Variants in DTNBP1 observed in about 807,000 individuals in gnomAD.
DTNBP1 encodes the protein dystrobrevin binding protein 1.
DTNBP1 carries 35 observed loss-of-function variants against 42.8 expected under a neutral mutation model. That is an observed-to-expected ratio of 0.82 (90% CI 0.63 to 1.09). DTNBP1 has a LOEUF of 1.09. Ranked by LOEUF, DTNBP1 falls within the 50% of genes least tolerant of loss-of-function variation. DTNBP1 has a pLI of 0.00. For missense variants in DTNBP1, 457 were observed against 424.2 expected, an observed-to-expected ratio of 1.08 and a Z score of -0.68; for synonymous variants, 171 against 162.2, an observed-to-expected ratio of 1.05 and a Z score of -0.41.
rs916150064 is a variant in DTNBP1, at chr6:15,523,898, A to G, written c.811+628T>C. ...GTGGTAATGGTAGAACCTTCTACAG[A>G]TGGCTGAGGTGCTGCTGGGACGACT... is the stretch of plus-strand genomic sequence containing the variant. On this transcript the variant is annotated intron_variant, in intron 9 of 9. Transcript: ENST00000344537. 2.0e-5 allele frequency: 26 copies of G among 1,287,154 alleles called. 1 individual carries two copies. Among genetic ancestry groups the G allele is most frequent in the Admixed American group, 1.1e-4 (5 of 43,550 alleles). 79.7% of individuals were successfully genotyped at this position (1,287,154 alleles called of 1,614,324 possible). A position where few individuals can be genotyped will look rare whatever the true frequency, so the allele number is the denominator to read the frequency against.
chr6:15,541,077 C>T (rs962756445), intron 7 of DTNBP1, among the ~76,000 whole-genome samples: 2 of 152,126 alleles, frequency 1.3e-5, no homozygotes, highest in Admixed American at 1.3e-4. Flanking sequence ...TTTTGTATCT[C>T]GGGGCTAAGC....
intron 6 of DTNBP1, among the ~76,000 whole-genome samples, chr6:15,593,836 C>T (rs1471682210): frequency 6.6e-6 from 1 of 152,114 alleles, no homozygotes; most frequent in Non-Finnish European, 1.5e-5. Flanking sequence ...GGCTGGTTAT[C>T]CCAGTTAAAA....
intron 7 of DTNBP1, among the ~76,000 whole-genome samples, chr6:15,581,268 C>T (rs970101321): frequency 2.0e-5 from 3 of 152,148 alleles, no homozygotes; most frequent in Non-Finnish European, 2.9e-5. Flanking sequence ...CAACCTCTGC[C>T]ACCCAGGTTC....
At chr6:15,645,908 A>G (rs571649671) in intron 3 of DTNBP1, among the ~76,000 whole-genome samples, 1 of 152,222 alleles carries the variant, frequency 6.6e-6, no homozygotes, top group African/African-American at 2.4e-5. Flanking sequence ...CACCACTCCT[A>G]TTCAACATAA....
intron 2 of DTNBP1, 86 bp from the exon 3 acceptor site, chr6:15,651,449 G>C: frequency 6.6e-7 from 1 of 1,517,422 alleles, no homozygotes; most frequent in South Asian, 1.2e-5. Flanking sequence ...TTTTGACATT[G>C]TCAATTGTAA....
At chr6:15,619,492 A>C (rs1325505391) in intron 5 of DTNBP1, among the ~76,000 whole-genome samples, 1 of 152,202 alleles carries the variant, frequency 6.6e-6, no homozygotes, top group Non-Finnish European at 1.5e-5. Flanking sequence ...CAACTGAGGG[A>C]CAGTCTACAA....
At chr6:15,570,570 T>C (rs1350991612) in intron 7 of DTNBP1, among the ~76,000 whole-genome samples, 1 of 152,238 alleles carries the variant, frequency 6.6e-6, no homozygotes, top group Non-Finnish European at 1.5e-5. Flanking sequence ...GGTGAAACTT[T>C]TGTTATAAAA....
At chr6:15,533,484 G>T in intron 7 of DTNBP1, 89 bp from the exon 8 acceptor site, 1 of 1,602,058 alleles carries the variant, frequency 6.2e-7, no homozygotes, top group Admixed American at 1.7e-5. Context: ...CACCCTCCAA[G>T]TGGATGGAGT....
chr6:15,563,149 C>T (rs1420795061), intron 7 of DTNBP1, among the ~76,000 whole-genome samples: 1 of 152,216 alleles, frequency 6.6e-6, no homozygotes, highest in African/African-American at 2.4e-5. Context: ...TCCCTCCCAT[C>T]TTACCTCCTA....
At position 15,609,934 on chromosome 6, in the gene DTNBP1, T is replaced by C. The variant is rs538243450; in HGVS notation, c.488+5333A>G. Among the ~76,000 whole-genome samples, 5 of 152,348 alleles carry C rather than the reference T, an allele frequency of 3.3e-5. No homozygotes were observed. In the East Asian group the frequency reaches 9.6e-4, roughly 29 times the overall value. On this transcript the variant is annotated intron_variant, in intron 6 of 9. Coordinates refer to ENST00000344537, the MANE Select transcript of DTNBP1 (RefSeq NM_032122.5). The stretch of plus-strand genomic sequence containing the variant: ...GGTCAAGTGCAGTTTTGCAGATGAA[T>C]GCTCCATTCTTCCGCACAGGGGATG...
At chr6:15,659,430 G>A (rs1581446831) in intron 1 of DTNBP1, among the ~76,000 whole-genome samples, 2 of 152,196 alleles carry the variant, frequency 1.3e-5, no homozygotes. Flanking sequence ...AGCTGCTCTG[G>A]CTTCCACACA....
chr6:15,617,282 T>C (rs1039451282), intron 5 of DTNBP1, among the ~76,000 whole-genome samples: 1 of 152,008 alleles, frequency 6.6e-6, no homozygotes, highest in Non-Finnish European at 1.5e-5. Flanking sequence ...ATTGTGAAAA[T>C]GATCATGCTG....
At chr6:15,595,036 G>A (rs73371556) in intron 6 of DTNBP1, 43,566 of 442,338 alleles carry the variant, frequency 0.098, 2,493 homozygotes, top group Middle Eastern at 0.22. Context: ...CCCTGCAACC[G>A]TCTGTCTGCT....
intron 5 of DTNBP1, among the ~76,000 whole-genome samples, chr6:15,624,754 T>C (rs1345003410): frequency 6.6e-6 from 1 of 152,080 alleles, no homozygotes; most frequent in Admixed American, 6.5e-5. Context: ...CTTAACTATT[T>C]AAGCTTTGTA....
intron 7 of DTNBP1, among the ~76,000 whole-genome samples, chr6:15,573,874 T>G (rs9464801): frequency 0.16 from 23,571 of 151,994 alleles, 2,720 homozygotes; most frequent in African/African-American, 0.32. Flanking sequence ...GCCTGGCTAA[T>G]TGTTGTATTT....
intron 7 of DTNBP1, among the ~76,000 whole-genome samples, chr6:15,580,638 T>C (rs1029495697): frequency 6.6e-6 from 1 of 152,256 alleles, no homozygotes; most frequent in African/African-American, 2.4e-5. Flanking sequence ...TGTGTGTGTG[T>C]ATATAAACCT....
intron 5 of DTNBP1, among the ~76,000 whole-genome samples, chr6:15,621,413 A>T (rs1211037952): frequency 6.6e-6 from 1 of 152,214 alleles, no homozygotes; most frequent in Non-Finnish European, 1.5e-5. Context: ...ACAGACAGAA[A>T]TTCTGTTCTA....
chr6:15,637,723 T>G, intron 4 of DTNBP1, 21 bp downstream of exon 4: 1 of 1,613,444 alleles, frequency 6.2e-7, no homozygotes. Context: ...GCCACGAGTA[T>G]AAGATTAGTC....
At chr6:15,534,038 C>T (rs1193330155) in intron 7 of DTNBP1, among the ~76,000 whole-genome samples, 2 of 152,162 alleles carry the variant, frequency 1.3e-5, no homozygotes, top group African/African-American at 4.8e-5. Context: ...TGCAGTAAGC[C>T]GGAGTCACGA....
Sources: gnomAD v4.1 joint callset for allele counts (sites outside exome capture counted in the v4.1 genomes callset) on GRCh38, gnomAD v4.1.1 for gene constraint, MANE v1.5 for transcripts, NCBI Gene and HGNC (gene_info 2026-07-23, HGNC 2026-07-21) for gene names.